The following SMYD1 variants were observed in gnomAD, a reference collection of about 807,000 sequenced individuals.
SMYD1 encodes the protein histone-lysine N-methyltransferase SMYD1.
SMYD1 carries 49 observed loss-of-function variants against 54.0 expected under a neutral mutation model. The ratio of observed to expected loss-of-function variants is 0.91; its 90% CI spans 0.72 to 1.15. The LOEUF (loss-of-function observed/expected upper bound fraction) is 1.15, where lower values mean the gene tolerates loss of function less well. Among genes scored for constraint, SMYD1 ranks in the 50% most tolerant of loss-of-function variants. SMYD1 has a pLI of 0.00. For missense variants in SMYD1, 653 were observed against 639.6 expected, an observed-to-expected ratio of 1.02 and a Z score of -0.23; for synonymous variants, 269 against 234.2, an observed-to-expected ratio of 1.15 and a Z score of -1.36.
intron 6 of SMYD1, among the ~76,000 whole-genome samples, chr2:88,099,155 C>T (rs184097829): frequency 1.1e-3 from 164 of 152,126 alleles, no homozygotes; most frequent in African/African-American, 3.7e-3. Flanking sequence ...GGTGTGATCT[C>T]AGCTCACTGC....
In SMYD1 at chr2:88,076,363, C is replaced by A. The variant is rs538497123; in HGVS notation, c.138-7953C>A. On this transcript the variant is annotated intron_variant, in intron 1 of 9. Transcript: ENST00000419482. Reference sequence around the variant, plus strand: ...CCGAGTAGCTGGGACTACAGGCGCCCGCCACCACGCCCAGCTAATTGTTTT... The same window carrying A: ...CCGAGTAGCTGGGACTACAGGCGCCAGCCACCACGCCCAGCTAATTGTTTT... 5.3e-5 allele frequency among the ~76,000 whole-genome samples: 8 copies of A among 152,218 alleles called. No individual in the cohort carries two copies. The East Asian group carries it at 1.6e-3, about 29-fold the overall frequency.
chr2:88,079,063 T>G (rs1401043489), intron 1 of SMYD1, among the ~76,000 whole-genome samples: 1 of 152,250 alleles, frequency 6.6e-6, no homozygotes, highest in African/African-American at 2.4e-5. Flanking sequence ...TGATCACATT[T>G]TCTTTTTATG....
At chr2:88,089,722 G>T (rs1674421815) in intron 3 of SMYD1, among the ~76,000 whole-genome samples, 1 of 151,324 alleles carries the variant, frequency 6.6e-6, no homozygotes, top group South Asian at 2.1e-4. Context: ...AAGTAGCTGG[G>T]ACCACAGATG....
chr2:88,108,424 G>C lies in SMYD1; in HGVS notation c.1199G>C (p.Gly400Ala). Residue 400 changes from glycine to alanine, a missense_variant, in exon 9 of 10, where the codon GGG becomes GCG. Physicochemically the swap from Gly to Ala is moderately conservative, Grantham distance 60. Coordinates refer to ENST00000419482, the MANE Select transcript of SMYD1 (RefSeq NM_198274.4). Reference protein sequence around the residue: ...AQLGMAVMRAGLTNWHAGNIE... With the variant: ...AQLGMAVMRAALTNWHAGNIE... ...CTGGGCATGGCCGTGATGCGGGCAGGGCTGACCAACTGGCATGCTGGTAAC... is the reference window on the plus strand; with the variant it reads ...CTGGGCATGGCCGTGATGCGGGCAGCGCTGACCAACTGGCATGCTGGTAAC... The C allele has an allele frequency of 6.2e-7, 1 of 1,612,662 alleles. No homozygotes were observed. Among genetic ancestry groups the C allele is most frequent in the Non-Finnish European group, 8.5e-7 (1 of 1,179,400 alleles).
At chr2:88,086,807 CT>C (rs1397525187) in intron 2 of SMYD1, among the ~76,000 whole-genome samples, 1 of 151,684 alleles carries the variant, frequency 6.6e-6, no homozygotes, top group Admixed American at 6.6e-5. Context: ...GAGATTACCC[CT>C]ATCCTTATCT....
chr2:88,110,190 T>C (rs1674980072), intron 9 of SMYD1, among the ~76,000 whole-genome samples, 164 bp from the exon 10 acceptor site: 1 of 111,542 alleles, frequency 9.0e-6, no homozygotes, highest in Non-Finnish European at 1.9e-5. Flanking sequence ...CATTAGGCCC[T>C]TGATGAATGA....
intron 1 of SMYD1, among the ~76,000 whole-genome samples, chr2:88,080,653 G>C (rs986016410): frequency 6.6e-6 from 1 of 152,078 alleles, no homozygotes; most frequent in African/African-American, 2.4e-5. Context: ...TTCCTGGTCT[G>C]AGCCCTGATG....
At chr2:88,085,935 A>G (rs1674313517) in intron 2 of SMYD1, among the ~76,000 whole-genome samples, 1 of 152,224 alleles carries the variant, frequency 6.6e-6, no homozygotes, top group African/African-American at 2.4e-5. Context: ...GCTTAATGCC[A>G]CCAAACTGTA....
At chr2:88,108,864 C>T (rs1190296792) in intron 9 of SMYD1, among the ~76,000 whole-genome samples, 4 of 152,110 alleles carry the variant, frequency 2.6e-5, no homozygotes, top group African/African-American at 9.7e-5. Context: ...GAAAGGGAGC[C>T]AGTGTGTCAC....
chr2:88,067,829 T>G lies in SMYD1; in HGVS notation c.-36T>G. ...CAATGACAAGAGACTTGGCTCAGTG[T>G]TAAATAACTGCCGCGCTGGCCTGAC... is the stretch of plus-strand genomic sequence containing the variant. On this transcript the variant is annotated 5_prime_UTR_variant, in exon 1 of 10. Transcript: ENST00000419482. 1 of 1,605,834 alleles carries G rather than the reference T, an allele frequency of 6.2e-7. No homozygotes were observed. The highest frequency in any genetic ancestry group is 8.5e-7 in the Non-Finnish European group (1 of 1,176,374).
In SMYD1 at chr2:88,108,587, T is replaced by C. The variant is rs536745375; in HGVS notation, c.1314+48T>C. On this transcript the variant is annotated intron_variant, in intron 9 of 9. Transcript: ENST00000419482. ...TGTTCCCTTCCTGGCCTGAGCTTTC[T>C]GAGGATGGGAGTGTGAGTTCAGGTG... 3.3e-6 allele frequency: 5 copies of C among 1,510,638 alleles called. No homozygotes were observed. In the South Asian group the frequency reaches 6.8e-5, roughly 21 times the overall value. 93.6% of individuals were successfully genotyped at this position (1,510,638 alleles called of 1,614,324 possible). A position where few individuals can be genotyped will look rare whatever the true frequency, so the allele number is the denominator to read the frequency against.
At chr2:88,099,880 C>T (rs1333609867) in intron 6 of SMYD1, among the ~76,000 whole-genome samples, 1 of 150,342 alleles carries the variant, frequency 6.7e-6, no homozygotes, top group Non-Finnish European at 1.5e-5. Context: ...GTTCATCTGG[C>T]CCTTCCCCCT....
rs1217625874 is a variant in SMYD1 at position 88,111,287 on chromosome 2, T to A, written c.*775T>A. 6.6e-6 allele frequency: 1 copy of A among 152,278 alleles called. No homozygotes were observed. The highest frequency in any genetic ancestry group is 1.5e-5 in the Non-Finnish European group (1 of 68,058). The allele number at this position is 152,278 out of a possible 1,614,324, so 9.4% of individuals were successfully genotyped here. On this transcript the variant is annotated 3_prime_UTR_variant, in exon 10 of 10. Transcript: ENST00000419482. ...CACACAGAGAGGGAATAAGTCCCTCTATCACCCTTATTACCAAGCCTTGTG... is the reference window on the plus strand; with the variant it reads ...CACACAGAGAGGGAATAAGTCCCTCAATCACCCTTATTACCAAGCCTTGTG...
intron 1 of SMYD1, among the ~76,000 whole-genome samples, chr2:88,079,701 A>G (rs1674145019): frequency 6.6e-6 from 1 of 152,124 alleles, no homozygotes; most frequent in Non-Finnish European, 1.5e-5. Context: ...GGTGCCTGTA[A>G]TCCCAGCTAC....
rs1675014479 is a variant in SMYD1 at position 88,111,207 on chromosome 2, A to C, written c.*695A>C. 6.6e-6 allele frequency: 1 copy of C among 152,216 alleles called. No homozygotes were observed. The highest frequency in any genetic ancestry group is 2.4e-5 in the African/African-American group (1 of 41,434). 9.4% of individuals were successfully genotyped at this position (152,216 alleles called of 1,614,324 possible). Reference sequence around the variant, plus strand: ...TTGCCCAAACCAACTGAGGTCTTAAAGTCCAGGGAAAAAAAGTCTGGGTTC... The same window carrying C: ...TTGCCCAAACCAACTGAGGTCTTAACGTCCAGGGAAAAAAAGTCTGGGTTC... On this transcript the variant is annotated 3_prime_UTR_variant, in exon 10 of 10. Coordinates refer to ENST00000419482, the MANE Select transcript of SMYD1 (RefSeq NM_198274.4).
Position 88,111,864 on chromosome 2 carries a change from C to T in SMYD1, c.*1352C>T, listed in dbSNP as rs2104022725. 1 of 554,064 alleles carries T rather than the reference C, an allele frequency of 1.8e-6. No homozygotes were observed. Among genetic ancestry groups the T allele is most frequent in the Non-Finnish European group, 3.2e-6 (1 of 309,098 alleles). The allele number at this position is 554,064 out of a possible 1,614,324, so 34.3% of individuals were successfully genotyped here. A position where few individuals can be genotyped will look rare whatever the true frequency, so the allele number is the denominator to read the frequency against. ...GGGTGTCACCAAGACTTCTACACAACCCAGGACTACCATTGACCTCAGAGC... is the reference window on the plus strand; with the variant it reads ...GGGTGTCACCAAGACTTCTACACAATCCAGGACTACCATTGACCTCAGAGC... On this transcript the variant is annotated 3_prime_UTR_variant, in exon 10 of 10. Coordinates refer to ENST00000419482, the MANE Select transcript of SMYD1 (RefSeq NM_198274.4).
At chr2:88,103,032 T>G in intron 6 of SMYD1, 26 bp from the exon 7 acceptor site, 1 of 1,604,646 alleles carries the variant, frequency 6.2e-7, no homozygotes, top group Non-Finnish European at 8.5e-7. Flanking sequence ...AAGGCATCTC[T>G]AGCTCAATGT....
In SMYD1 at chr2:88,110,448, C is replaced by A; in HGVS notation, c.1409C>A (p.Pro470His). ...KMREAALNNQ[P>H]MQVMAEPSNE... ...CGCGAGGCTGCCCTGAACAACCAGC[C>A]CATGCAGGTCATGGCCGAGCCCAGC... Residue 470 changes from proline (P) to histidine (H), a missense_variant, in exon 10 of 10, where the codon CCC (proline) becomes CAC (histidine). Pro to His is a moderately conservative substitution (Grantham distance 77). Coordinates refer to ENST00000419482, the MANE Select transcript of SMYD1 (RefSeq NM_198274.4). 4 of 1,607,476 alleles carry A rather than the reference C, an allele frequency of 2.5e-6. No individual in the cohort carries two copies. Among genetic ancestry groups the A allele is most frequent in the Non-Finnish European group, 3.4e-6 (4 of 1,176,836 alleles).
chr2:88,075,279 T>C (rs1188813668), intron 1 of SMYD1, among the ~76,000 whole-genome samples: 1 of 152,234 alleles, frequency 6.6e-6, no homozygotes, highest in African/African-American at 2.4e-5. Context: ...GATTGCCTTT[T>C]AAAGATGGAT....
Sources: allele counts gnomAD v4.1 joint callset (sites outside exome capture counted in the v4.1 genomes callset), GRCh38; gene constraint gnomAD v4.1.1; transcripts MANE v1.5; gene names NCBI Gene and HGNC (gene_info 2026-07-23, HGNC 2026-07-21).